Variants in CPVL observed in about 807,000 individuals in gnomAD.
The protein encoded by CPVL is carboxypeptidase vitellogenic like, also known as probable serine carboxypeptidase CPVL.
Under a neutral mutation model 63.7 loss-of-function variants are expected in CPVL, and 51 were observed. That is an observed-to-expected ratio of 0.80 (90% CI 0.64 to 1.01). The LOEUF is 1.01. Ranked by LOEUF, CPVL falls within the 50% of genes least tolerant of loss-of-function variation. CPVL has a pLI of 0.00. For synonymous variants in CPVL, 195 were observed against 206.0 expected (o/e 0.95, Z 0.46); for missense variants, 530 against 573.1 (o/e 0.92, Z 0.77).
intron 12 of CPVL, among the ~76,000 whole-genome samples, chr7:29,003,691 C>T (rs569180437): frequency 6.6e-6 from 1 of 152,280 alleles, no homozygotes; most frequent in African/African-American, 2.4e-5. Flanking sequence ...GCAGCAGTCC[C>T]CAACCTTTCT....
intron 2 of CPVL, among the ~76,000 whole-genome samples, chr7:29,117,536 G>T (rs930836744): frequency 6.6e-6 from 1 of 152,140 alleles, no homozygotes; most frequent in African/African-American, 2.4e-5. Context: ...TTCATATCAT[G>T]GGCTCTGGGG....
intron 1 of CPVL, chr7:29,127,962 T>G (rs1332536753): frequency 6.6e-6 from 1 of 152,110 alleles, no homozygotes; most frequent in East Asian, 1.9e-4. Context: ...TAAATATAAC[T>G]TTTATACTTT....
At chr7:29,146,727 T>TC, upstream of CPVL, 1 of 1,550,560 alleles carries the variant, frequency 6.4e-7, no homozygotes, top group Non-Finnish European at 8.7e-7. Flanking sequence ...ATGAAGAGCA[T>TC]CGGCGGGGTG....
chr7:29,178,124 T>G (rs541901741), intron 5 of CPVL, among the ~76,000 whole-genome samples: 1 of 152,178 alleles, frequency 6.6e-6, no homozygotes, highest in South Asian at 2.1e-4. Context: ...TCTCCACTGC[T>G]ACTATCCTCT....
chr7:29,082,489 T>C (rs1389828040), intron 7 of CPVL: 1 of 152,176 alleles, frequency 6.6e-6, no homozygotes, highest in Non-Finnish European at 1.5e-5. Flanking sequence ...TGGGACAAAC[T>C]AGACTGAATA....
chr7:29,138,317 G>A (rs1791458841), intron 1 of CPVL, among the ~76,000 whole-genome samples: 1 of 152,202 alleles, frequency 6.6e-6, no homozygotes, highest in Admixed American at 6.5e-5. Flanking sequence ...GTATGTGCCT[G>A]TAATCCCAGC....
At chr7:29,099,609 G>A (rs1305793823) in intron 3 of CPVL, among the ~76,000 whole-genome samples, 1 of 152,184 alleles carries the variant, frequency 6.6e-6, no homozygotes, top group Non-Finnish European at 1.5e-5. Context: ...CTACTTTAGA[G>A]GCTGAGGCAG....
At chr7:29,129,658 G>A (rs1790474158) in intron 1 of CPVL, among the ~76,000 whole-genome samples, 1 of 151,894 alleles carries the variant, frequency 6.6e-6, no homozygotes, top group African/African-American at 2.4e-5. Flanking sequence ...TAGTAGAGGT[G>A]GGGTTTCACC....
intron 3 of CPVL, among the ~76,000 whole-genome samples, chr7:29,101,012 T>C (rs931600935): frequency 2.0e-5 from 3 of 152,214 alleles, no homozygotes; most frequent in Non-Finnish European, 4.4e-5. Flanking sequence ...ATATGCAGTA[T>C]AATATTAATT....
At chr7:29,119,381 G>A (rs1789103793) in intron 2 of CPVL, among the ~76,000 whole-genome samples, 1 of 151,502 alleles carries the variant, frequency 6.6e-6, no homozygotes, top group Non-Finnish European at 1.5e-5. Context: ...CAGCTACTCA[G>A]GAGGCTGAGG....
At chr7:29,162,615 C>T (rs1013915909) in intron 5 of CPVL, among the ~76,000 whole-genome samples, 2 of 147,144 alleles carry the variant, frequency 1.4e-5, no homozygotes, top group African/African-American at 2.5e-5. Flanking sequence ...GAGCCGAGAT[C>T]GTGCCATTGC....
In CPVL at chr7:29,116,236, T is replaced by A. The variant is rs573023349; in HGVS notation, c.170-3414A>T. ...ACCTTGCTAAAAGATCTTAAGAAAT[T>A]TAGAACTTTTCTCTAGCCCATAAAA... On this transcript the variant is annotated intron_variant, in intron 2 of 12. Transcript: ENST00000265394. Among the ~76,000 whole-genome samples, 4 of 152,308 alleles carry A rather than the reference T, an allele frequency of 2.6e-5. No homozygotes were observed. In the East Asian group the frequency reaches 7.7e-4, roughly 29 times the overall value.
At chr7:29,072,512 A>G in intron 7 of CPVL, 89 bp from the exon 8 acceptor site, 1 of 1,451,178 alleles carries the variant, frequency 6.9e-7, no homozygotes, top group Non-Finnish European at 9.5e-7. Context: ...ACAATGAAGG[A>G]GCAATCTTTC....
chr7:29,163,689 T>C (rs988797726), intron 5 of CPVL, among the ~76,000 whole-genome samples: 6 of 152,154 alleles, frequency 3.9e-5, no homozygotes, highest in Non-Finnish European at 7.3e-5. Flanking sequence ...CCCAAAAGTT[T>C]CCTCCCTCCT....
intron 12 of CPVL, among the ~76,000 whole-genome samples, chr7:29,025,036 A>G (rs1405623439): frequency 6.6e-6 from 1 of 152,230 alleles, no homozygotes. Flanking sequence ...CCAGAAAACA[A>G]TGAACAAAAT....
intron 7 of CPVL, among the ~76,000 whole-genome samples, chr7:29,084,585 A>G (rs1203971602): frequency 2.0e-5 from 3 of 152,128 alleles, no homozygotes; most frequent in African/African-American, 7.2e-5. Context: ...ATTCACCATT[A>G]TGTTCCTAGC....
At chr7:29,088,261 C>T (rs1366170403) in intron 6 of CPVL, among the ~76,000 whole-genome samples, 1 of 152,174 alleles carries the variant, frequency 6.6e-6, no homozygotes, top group Non-Finnish European at 1.5e-5. Context: ...AATATACTTA[C>T]ATTAAAATTT....
chr7:29,182,995 A>G (rs754187259), intron 4 of CPVL, among the ~76,000 whole-genome samples: 5 of 152,168 alleles, frequency 3.3e-5, no homozygotes, highest in African/African-American at 2.4e-5. Flanking sequence ...GAAGGGATAT[A>G]TGAAAACAGC....
chr7:29,055,246 CATTT>C (rs1311424476), intron 11 of CPVL, among the ~76,000 whole-genome samples: 1 of 151,720 alleles, frequency 6.6e-6, no homozygotes, highest in African/African-American at 2.4e-5. Context: ...ATTTTCTTTT[CATTT>C]ATTTATTTAT....
Sources: gnomAD v4.1 joint callset for allele counts (sites outside exome capture counted in the v4.1 genomes callset) on GRCh38, gnomAD v4.1.1 for gene constraint, MANE v1.5 for transcripts, NCBI Gene and HGNC (gene_info 2026-07-23, HGNC 2026-07-21) for gene names.